The following ATG7 variants were observed in gnomAD, a reference collection of about 807,000 sequenced individuals.
ATG7 encodes ubiquitin-like modifier-activating enzyme ATG7.
ATG7 carries 70 observed loss-of-function variants against 82.4 expected under a neutral mutation model. The ratio of observed to expected loss-of-function variants is 0.85; its 90% CI spans 0.70 to 1.04. The LOEUF (loss-of-function observed/expected upper bound fraction) is 1.04, where lower values mean the gene tolerates loss of function less well. Among genes scored for constraint, ATG7 ranks in the 50% least tolerant of loss-of-function variants. The probability of loss-of-function intolerance (pLI) is 0.00; values close to 1 mark genes in which losing one functional copy is unlikely to be tolerated. For missense variants in ATG7, 792 were observed against 864.3 expected, an observed-to-expected ratio of 0.92 and a Z score of 1.05; for synonymous variants, 287 against 313.0, an observed-to-expected ratio of 0.92 and a Z score of 0.88.
At chr3:11,440,297 T>TA (rs2152966640) in intron 20 of ATG7, among the ~76,000 whole-genome samples, 1 of 151,150 alleles carries the variant, frequency 6.6e-6, no homozygotes, top group African/African-American at 2.4e-5. Context: ...AGGTAAGAGA[T>TA]AAGTCCTTTC....
intron 19 of ATG7, among the ~76,000 whole-genome samples, chr3:11,412,366 C>T (rs559460540): frequency 2.0e-5 from 3 of 151,628 alleles, no homozygotes; most frequent in African/African-American, 7.3e-5. Flanking sequence ...GGTCAATTTC[C>T]ATGTTTATCC....
chr3:11,318,983 G>A (rs1481295095), intron 9 of ATG7, among the ~76,000 whole-genome samples: 1 of 152,106 alleles, frequency 6.6e-6, no homozygotes, highest in African/African-American at 2.4e-5. Flanking sequence ...TTGCTTTTCT[G>A]CCTGCCCCAT....
At chr3:11,513,107 G>T (rs1229153431) in intron 20 of ATG7, among the ~76,000 whole-genome samples, 2 of 152,214 alleles carry the variant, frequency 1.3e-5, no homozygotes, top group Non-Finnish European at 2.9e-5. Context: ...AGTGCCGATT[G>T]GTGTATTTAC....
chr3:11,489,089 T>C (rs535304929), intron 20 of ATG7, among the ~76,000 whole-genome samples: 52 of 152,220 alleles, frequency 3.4e-4, no homozygotes, highest in Non-Finnish European at 6.9e-4. Flanking sequence ...GAGCCTGTTA[T>C]TGGTCTATTC....
At chr3:11,471,225 G>A (rs2087478043) in intron 20 of ATG7, among the ~76,000 whole-genome samples, 1 of 152,120 alleles carries the variant, frequency 6.6e-6, no homozygotes, top group Non-Finnish European at 1.5e-5. Flanking sequence ...CATGGCAGCG[G>A]CAGACAGCTC....
chr3:11,279,870 G>A (rs779875254), intron 1 of ATG7, among the ~76,000 whole-genome samples: 3 of 151,438 alleles, frequency 2.0e-5, no homozygotes, highest in Non-Finnish European at 4.4e-5. Context: ...GCTATACTCC[G>A]ATTCCTCTTC....
At chr3:11,464,736 T>C (rs2086662652) in intron 20 of ATG7, among the ~76,000 whole-genome samples, 1 of 152,202 alleles carries the variant, frequency 6.6e-6, no homozygotes, top group Non-Finnish European at 1.5e-5. Flanking sequence ...GGGACAGGGC[T>C]TTTACCTTTT....
chr3:11,386,623 C>T (rs1019803515), intron 19 of ATG7, among the ~76,000 whole-genome samples: 1 of 152,154 alleles, frequency 6.6e-6, no homozygotes, highest in Admixed American at 6.5e-5. Flanking sequence ...TGGGCTGCAG[C>T]CAGATTTTCC....
intron 3 of ATG7, among the ~76,000 whole-genome samples, chr3:11,297,857 A>C (rs1231503527): frequency 6.6e-6 from 1 of 152,216 alleles, no homozygotes; most frequent in Non-Finnish European, 1.5e-5. Flanking sequence ...CCAGGACCAC[A>C]CAAGATGGCA....
At chr3:11,541,033 G>T (rs946301153) in intron 20 of ATG7, among the ~76,000 whole-genome samples, 1 of 151,878 alleles carries the variant, frequency 6.6e-6, no homozygotes, top group Non-Finnish European at 1.5e-5. Context: ...CCAAGTAGCT[G>T]GGACTACAGG....
At chr3:11,528,966 G>A (rs2092641047) in intron 20 of ATG7, among the ~76,000 whole-genome samples, 1 of 152,144 alleles carries the variant, frequency 6.6e-6, no homozygotes, top group African/African-American at 2.4e-5. Flanking sequence ...GAGGGAGAGA[G>A]GTACAGATAG....
At chr3:11,435,153 C>T (rs962154315) in intron 20 of ATG7, among the ~76,000 whole-genome samples, 1 of 152,168 alleles carries the variant, frequency 6.6e-6, no homozygotes. Context: ...ACTTTTTATA[C>T]ATTTTATAAA....
chr3:11,423,544 A>G (rs1190871033), intron 19 of ATG7, among the ~76,000 whole-genome samples: 1 of 152,012 alleles, frequency 6.6e-6, no homozygotes, highest in Non-Finnish European at 1.5e-5. Flanking sequence ...TTCAGTGGAC[A>G]TTTTTTCCTG....
chr3:11,564,801 T>C, the ATG7 span: 1 of 1,549,672 alleles, frequency 6.5e-7, no homozygotes, highest in Non-Finnish European at 8.7e-7. Context: ...GCCCACCTGC[T>C]GCCGCTCCCC....
intron 18 of ATG7, among the ~76,000 whole-genome samples, chr3:11,370,522 C>G (rs553575701): frequency 6.6e-6 from 1 of 151,220 alleles, no homozygotes; most frequent in East Asian, 1.9e-4. Context: ...TTTATGCGAA[C>G]TCCAAGCTTT....
chr3:11,469,744 G>C (rs2087235555), intron 20 of ATG7, among the ~76,000 whole-genome samples: 1 of 151,732 alleles, frequency 6.6e-6, no homozygotes, highest in Non-Finnish European at 1.5e-5. Flanking sequence ...CTAGCACTTT[G>C]GGAGGCTGAG....
intron 7 of ATG7, among the ~76,000 whole-genome samples, chr3:11,310,833 C>A (rs536739817): frequency 6.6e-6 from 1 of 151,970 alleles, no homozygotes; most frequent in South Asian, 2.1e-4. Context: ...GGGGTTTCAC[C>A]GTGTTAGCCA....
At chr3:11,427,936 G>A (rs182225550) in intron 20 of ATG7, among the ~76,000 whole-genome samples, 7 of 152,324 alleles carry the variant, frequency 4.6e-5, no homozygotes, top group Non-Finnish European at 7.3e-5. Flanking sequence ...CCTCAGAATT[G>A]ATGAGTGAGA....
chr3:11,341,776 TAAG>T (rs1162239412), intron 12 of ATG7, among the ~76,000 whole-genome samples: 1 of 152,132 alleles, frequency 6.6e-6, no homozygotes, highest in Non-Finnish European at 1.5e-5. Context: ...GAGGCCTTAT[TAAG>T]GAGATATGGG....
Sources: allele counts gnomAD v4.1 joint callset (sites outside exome capture counted in the v4.1 genomes callset), GRCh38; gene constraint gnomAD v4.1.1; transcripts MANE v1.5; gene names NCBI Gene and HGNC (gene_info 2026-07-23, HGNC 2026-07-21).